The following MTMR11 variants were observed in gnomAD, a reference collection of about 807,000 sequenced individuals.
MTMR11 encodes the protein myotubularin-related protein 11.
MTMR11 carries 89 observed loss-of-function variants against 100.0 expected under a neutral mutation model. That is an observed-to-expected ratio of 0.89 (90% CI 0.75 to 1.06). The LOEUF (loss-of-function observed/expected upper bound fraction) is 1.06, where lower values mean the gene tolerates loss of function less well. Among genes scored for constraint, MTMR11 ranks in the 50% least tolerant of loss-of-function variants. MTMR11 has a pLI of 0.00. For synonymous variants in MTMR11, 336 were observed against 326.3 expected, an observed-to-expected ratio of 1.03 and a Z score of -0.32; for missense variants, 809 against 873.7, an observed-to-expected ratio of 0.93 and a Z score of 0.93.
intron 13 of MTMR11, 116 bp from the exon 14 acceptor site, chr1:149,931,081 T>G: frequency 7.4e-7 from 1 of 1,348,334 alleles, no homozygotes; most frequent in Admixed American, 2.7e-5. Flanking sequence ...AGTCAGGGAA[T>G]GAAAATCTGA....
Position 149,929,811 on chromosome 1 carries a change from G to GCAGGGAAGGACTGTC in MTMR11, c.1738_1752dup (p.Asp580_Leu584dup). ...GGGAGCCAACGAGAAGAGACTGCCAGCAGGGAAGGACTGTCCCGCCAAGGA... is the reference window on the plus strand; with the variant it reads ...GGGAGCCAACGAGAAGAGACTGCCAGCAGGGAAGGACTGTCCAGGGAAGGACTGTCCCGCCAAGGA... On this transcript the variant is annotated inframe_insertion, in exon 16 of 17. Transcript: ENST00000439741. 6.2e-7 allele frequency: 1 copy of GCAGGGAAGGACTGTC among 1,614,196 alleles called. No homozygotes were observed. Among genetic ancestry groups the GCAGGGAAGGACTGTC allele is most frequent in the Non-Finnish European group, 8.5e-7 (1 of 1,180,030 alleles).
intron 3 of MTMR11, 107 bp downstream of exon 3, chr1:149,935,477 G>T: frequency 6.4e-7 from 1 of 1,574,690 alleles, no homozygotes; most frequent in Non-Finnish European, 8.7e-7. Flanking sequence ...GATTATCAAT[G>T]ATACATTCAA....
At chr1:149,936,441 C>G (rs1024921063) in intron 1 of MTMR11, 141 bp downstream of exon 1, 3 of 1,384,878 alleles carry the variant, frequency 2.2e-6, no homozygotes, top group Non-Finnish European at 2.9e-6. Context: ...CTGAGAAAGA[C>G]GGACCAGGCT....
chr1:149,929,712 A>G lies in MTMR11; in HGVS notation c.1852T>C (p.Leu618=), dbSNP rs1553766973. Residue 618 remains leucine (L), a synonymous_variant, in exon 16 of 17, where the codon TTA becomes CTA. Coordinates refer to ENST00000439741, the MANE Select transcript of MTMR11 (RefSeq NM_001145862.2). The part of the protein sequence containing the change: ...GLPSHWGACP[L]PPGLLLPGYL... ...CCAGGCAGCAGCAGCCCTGGAGGTA[A>G]AGGGCAAGCTCCCCAATGTGAGGGG... The G allele has an allele frequency of 6.2e-7, 1 of 1,614,170 alleles. No individual in the cohort carries two copies. The highest frequency in any genetic ancestry group is 1.1e-5 in the South Asian group (1 of 91,080).
chr1:149,934,048 G>T, intron 7 of MTMR11, 106 bp from the exon 8 acceptor site: 1 of 1,543,410 alleles, frequency 6.5e-7, no homozygotes, highest in Non-Finnish European at 8.9e-7. Context: ...AGGGATTTCA[G>T]GTTTAGGGAT....
In MTMR11 at chr1:149,931,365, G is replaced by A. The variant is rs782446121; in HGVS notation, c.1185C>T (p.Pro395=). 61 of 1,613,638 alleles carry A rather than the reference G, an allele frequency of 3.8e-5. No individual in the cohort carries two copies. Among genetic ancestry groups the A allele is most frequent in the Admixed American group, 6.7e-5 (4 of 59,946 alleles). Residue 395 remains proline (P), a synonymous_variant, in exon 13 of 17, where the codon CCC becomes CCT. Coordinates refer to ENST00000439741, the MANE Select transcript of MTMR11 (RefSeq NM_001145862.2). ...GGAAGCCAAACAGTGTTCGGGCTTC[G>A]GGGGCTGAAAGCAGCTGGACGAGTG... is the stretch of plus-strand genomic sequence containing the variant. The part of the protein sequence containing the change: ...LSSLVQLLSA[P]EARTLFGFQS...
chr1:149,934,039 G>C (rs2092694194), intron 7 of MTMR11, 97 bp from the exon 8 acceptor site: 2 of 1,541,688 alleles, frequency 1.3e-6, no homozygotes, highest in African/African-American at 1.4e-5. Flanking sequence ...ACCATTCCAA[G>C]GGATTTCAGG....
intron 3 of MTMR11, 69 bp from the exon 4 acceptor site, chr1:149,935,428 C>T (rs2092710253): frequency 6.3e-7 from 1 of 1,594,946 alleles, no homozygotes. Context: ...CAGCCCCAAC[C>T]CCTTCTAGGG....
rs782331131 is a variant in MTMR11, at chr1:149,930,912, A to G, written c.1344T>C (p.Phe448=). The change falls in exon 14 of 17, where the codon TTT becomes TTC. Residue 448 remains phenylalanine (F), a synonymous_variant. Coordinates refer to ENST00000439741, the MANE Select transcript of MTMR11 (RefSeq NM_001145862.2). ...LDCVWQLLQQ[F]PADFEFSEFF... Reference sequence around the variant, plus strand: ...ACTCAGAGAATTCAAAATCAGCTGGAAACTGCTGGAGGAGCTGCCAGACAC... The same window carrying G: ...ACTCAGAGAATTCAAAATCAGCTGGGAACTGCTGGAGGAGCTGCCAGACAC... The G allele has an allele frequency of 1.2e-6, 2 of 1,613,230 alleles. No homozygotes were observed. The highest frequency in any genetic ancestry group is 1.7e-6 in the Non-Finnish European group (2 of 1,179,680).
chr1:149,935,218 T>C, intron 4 of MTMR11, 81 bp downstream of exon 4: 13 of 1,607,034 alleles, frequency 8.1e-6, no homozygotes, highest in Non-Finnish European at 1.1e-5. Context: ...ATCCCTGCTG[T>C]TTTCTGAGAA....
At position 149,931,404 on chromosome 1, in the gene MTMR11, A is replaced by C. The variant is rs149091972; in HGVS notation, c.1146T>G (p.Asn382Lys). 1 of 1,608,924 alleles carries C rather than the reference A, an allele frequency of 6.2e-7. No individual in the cohort carries two copies. Reference protein sequence around the residue: ...ILQERGDRDLNGLLSSLVQLL... With the variant: ...ILQERGDRDLKGLLSSLVQLL... The stretch of plus-strand genomic sequence containing the variant: ...GCTGGACGAGTGAAGAGAGGAGGCC[A>C]TTGAGATCACGATCACCGCGCTCTG... The change falls in exon 13 of 17, where the codon AAT (asparagine) becomes AAG (lysine). Residue 382 changes from asparagine to lysine, a missense_variant. Asn to Lys is a moderately conservative substitution (Grantham distance 94). Transcript: ENST00000439741.
Position 149,935,625 on chromosome 1 carries a change from A to C in MTMR11, c.223T>G (p.Phe75Val). The change falls in exon 3 of 17, where the codon TTT becomes GTT. Residue 75 changes from phenylalanine to valine, a missense_variant. Transcript: ENST00000439741. ...ELSGTLICTN[F>V]RVTFQPCGWQ... ...CCACAGGGCTGGAAGGTGACCCTAA[A>C]GTTGGTACAGATCAGGGTTCCAGAC... 1 of 1,614,096 alleles carries C rather than the reference A, an allele frequency of 6.2e-7. No homozygotes were observed. Among genetic ancestry groups the C allele is most frequent in the Non-Finnish European group, 8.5e-7 (1 of 1,179,992 alleles).
chr1:149,931,480 C>G (rs1553767676), intron 12 of MTMR11, 54 bp from the exon 13 acceptor site: 1 of 1,483,116 alleles, frequency 6.7e-7, no homozygotes, highest in East Asian at 2.3e-5. Flanking sequence ...GAAACTAGGG[C>G]AGAAGAGAAT....
Position 149,933,641 on chromosome 1 carries a change from T to C in MTMR11, c.829A>G (p.Thr277Ala). 6.2e-7 allele frequency: 1 copy of C among 1,614,164 alleles called. No homozygotes were observed. The highest frequency in any genetic ancestry group is 8.5e-7 in the Non-Finnish European group (1 of 1,180,020). The change falls in exon 9 of 17, where the codon ACA becomes GCA. Residue 277 changes from threonine to alanine, a missense_variant. By Grantham distance (58) the Thr-to-Ala change is moderately conservative (BLOSUM62 0). Transcript: ENST00000439741. ...TCCTCCTTGTTAGGGTCACTGGCTG[T>C]ATAGAAGCCTCCACAGCGGAGAAGA... The part of the protein sequence containing the change: ...SDLLRCGGFY[T>A]ASDPNKEDIR...
At position 149,936,797 on chromosome 1, in the gene MTMR11, T is replaced by G. The variant is rs1432614608; in HGVS notation, c.-150A>C. 3.0e-5 allele frequency: 20 copies of G among 658,066 alleles called. No individual in the cohort carries two copies. Among genetic ancestry groups the G allele is most frequent in the Non-Finnish European group, 4.0e-5 (15 of 372,128 alleles). 40.8% of individuals were successfully genotyped at this position (658,066 alleles called of 1,614,324 possible). ...ACACAAGGGAAAGGAGCATTTGACG[T>G]GCACGGAGCAGAGTTTGGGGGTCCT... On this transcript the variant is annotated 5_prime_UTR_variant, in exon 1 of 17. Transcript: ENST00000439741.
chr1:149,929,105 A>G lies in MTMR11; in HGVS notation c.*24T>C, dbSNP rs1185109795. On this transcript the variant is annotated 3_prime_UTR_variant, in exon 17 of 17. Coordinates refer to ENST00000439741, the MANE Select transcript of MTMR11 (RefSeq NM_001145862.2). ...GCAAGTGCAGATACAAAAAAAAAAA[A>G]AAAAGATTAGACAGAACCCTCCTCT... 5.7e-6 allele frequency: 9 copies of G among 1,568,706 alleles called. No homozygotes were observed. The highest frequency in any genetic ancestry group is 6.9e-6 in the Non-Finnish European group (8 of 1,162,464).
At position 149,933,656 on chromosome 1, in the gene MTMR11, A is replaced by G. The variant is rs2101669412; in HGVS notation, c.814T>C (p.Cys272Arg). Residue 272 changes from cysteine (C) to arginine (R), a missense_variant, in exon 9 of 17, where the codon TGT becomes CGT. By Grantham distance (180) the Cys-to-Arg change is radical (BLOSUM62 -3). Coordinates refer to ENST00000439741, the MANE Select transcript of MTMR11 (RefSeq NM_001145862.2). ...TCACTGGCTGTATAGAAGCCTCCACAGCGGAGAAGATCACTGCCCCCAGGG... is the reference window on the plus strand; with the variant it reads ...TCACTGGCTGTATAGAAGCCTCCACGGCGGAGAAGATCACTGCCCCCAGGG... Reference protein sequence around the residue: ...HHPGGSDLLRCGGFYTASDPN... With the variant: ...HHPGGSDLLRRGGFYTASDPN... The G allele has an allele frequency of 1.2e-6, 2 of 1,614,190 alleles. No individual in the cohort carries two copies. The highest frequency in any genetic ancestry group is 1.3e-5 in the African/African-American group (1 of 75,052).
chr1:149,929,436 C>A, intron 16 of MTMR11, 119 bp from the exon 17 acceptor site: 1 of 1,228,276 alleles, frequency 8.1e-7, no homozygotes. Context: ...CTAAATTCCA[C>A]TTAATCTAAG....
intron 1 of MTMR11, 88 bp downstream of exon 1, chr1:149,936,494 C>T (rs2092724164): frequency 3.9e-6 from 5 of 1,270,700 alleles, no homozygotes; most frequent in Non-Finnish European, 4.4e-6. Flanking sequence ...TCCTCCTCCT[C>T]CTCTAGAGCC....
Sources: gnomAD v4.1 joint callset for allele counts on GRCh38, gnomAD v4.1.1 for gene constraint, MANE v1.5 for transcripts, NCBI Gene and HGNC (gene_info 2026-07-23, HGNC 2026-07-21) for gene names.